Variants in RFX1 observed in about 807,000 individuals in gnomAD.
RFX1 encodes regulatory factor X1, also known as MHC class II regulatory factor RFX1.
In RFX1, 42 loss-of-function variants were observed where a neutral mutation model predicts 119.6. That is an observed-to-expected ratio of 0.35 (90% CI 0.27 to 0.45). RFX1 has a LOEUF of 0.45. Among genes scored for constraint, RFX1 ranks in the 20% least tolerant of loss-of-function variants. The pLI is 1.00. For synonymous variants in RFX1, 628 were observed against 618.5 expected (o/e 1.02, Z -0.23); for missense variants, 1,118 against 1,368.1 (o/e 0.82, Z 2.88).
rs1364988133 is a variant in RFX1, at chr19:13,965,063, T to C, written c.2211+386A>G. Reference sequence around the variant, plus strand: ...TAGTCAGCGAATGTGCATCTTTTGATGAAAAAGGCAAGTATTATGTTTCCT... The same window carrying C: ...TAGTCAGCGAATGTGCATCTTTTGACGAAAAAGGCAAGTATTATGTTTCCT... On this transcript the variant is annotated intron_variant, in intron 16 of 20. Transcript: ENST00000254325. The surrounding 1 kb of genome is among the most constrained non-coding windows in gnomAD (Gnocchi z 4.7). 6.6e-6 allele frequency among the ~76,000 whole-genome samples: 1 copy of C among 152,206 alleles called. No homozygotes were observed. The highest frequency in any genetic ancestry group is 1.5e-5 in the Non-Finnish European group (1 of 68,036).
At chr19:14,000,109 G>A (rs1298042923) in intron 1 of RFX1, among the ~76,000 whole-genome samples, 6 of 152,168 alleles carry the variant, frequency 3.9e-5, no homozygotes, top group African/African-American at 1.4e-4. Flanking sequence ...GCAGAAGAAT[G>A]GCAAAATTAA....
chr19:13,973,203 G>T, intron 8 of RFX1, 76 bp from the exon 9 acceptor site: 1 of 997,944 alleles, frequency 1.0e-6, no homozygotes, highest in African/African-American at 1.6e-5. Context: ...TGTGCAGGAA[G>T]GGGGGTCCTA....
Position 13,966,751 on chromosome 19 carries a change from T to C in RFX1, c.1733A>G (p.Asp578Gly). 6.2e-7 allele frequency: 1 copy of C among 1,601,224 alleles called. No individual in the cohort carries two copies. Among genetic ancestry groups the C allele is most frequent in the Non-Finnish European group, 8.5e-7 (1 of 1,173,292 alleles). Reference protein sequence around the residue: ...AQVQQYQQFLDASRSLPDFTE... With the variant: ...AQVQQYQQFLGASRSLPDFTE... Reference sequence around the variant, plus strand: ...GAAGTCAGGGAGGCTCCGAGAGGCATCTAGGGGGCCGGGGGGAACCGTGAG... The same window carrying C: ...GAAGTCAGGGAGGCTCCGAGAGGCACCTAGGGGGCCGGGGGGAACCGTGAG... The change falls in exon 13 of 21, where the codon GAT becomes GGT. Residue 578 changes from aspartate to glycine, a missense_variant and splice_region_variant. Asp to Gly is a moderately conservative substitution (Grantham distance 94). This residue lies in a region of RFX1 where 338 missense variants were observed against 508.9 expected (regional missense o/e 0.66). Transcript: ENST00000254325. This position sits in a 1 kb window ranked among gnomAD's most constrained non-coding sequence, Gnocchi z 6.3.
intron 2 of RFX1, among the ~76,000 whole-genome samples, chr19:13,993,067 G>A (rs1443900247): frequency 6.6e-6 from 1 of 152,156 alleles, no homozygotes; most frequent in African/African-American, 2.4e-5. Context: ...TTGAGGCCGG[G>A]AGGATCATTT....
At chr19:13,994,719 A>ATGTGTG (rs35165719) in intron 1 of RFX1, among the ~76,000 whole-genome samples, 2,319 of 125,964 alleles carry the variant, frequency 0.018, 26 homozygotes, top group East Asian at 0.038. Flanking sequence ...CTAAATATAT[A>ATGTGTG]TGTGTGTGTG....
In RFX1 at chr19:13,985,868, TG is replaced by T. The variant is rs1289828082; in HGVS notation, c.320-2274del. On this transcript the variant is annotated intron_variant, in intron 2 of 20. Coordinates refer to ENST00000254325, the MANE Select transcript of RFX1 (RefSeq NM_002918.5). This position sits in a 1 kb window ranked among gnomAD's most constrained non-coding sequence, Gnocchi z 4.3. ...GTCAAGGGCAGAGCGCAGGAGTGTG[TG>T]TTGGGGGCGGGGGTTGCCAGATGTG... Among the ~76,000 whole-genome samples, 1 of 151,548 alleles carries T rather than the reference TG, an allele frequency of 6.6e-6. No individual in the cohort carries two copies. Among genetic ancestry groups the T allele is most frequent in the Non-Finnish European group, 1.5e-5 (1 of 67,832 alleles).
intron 3 of RFX1, 62 bp from the exon 4 acceptor site, chr19:13,983,332 G>T: frequency 7.1e-7 from 1 of 1,409,784 alleles, no homozygotes. Flanking sequence ...TGGCGTGGTT[G>T]GGTGGCGGGC....
chr19:13,982,655 T>C (rs1974464573), intron 4 of RFX1, among the ~76,000 whole-genome samples: 1 of 152,062 alleles, frequency 6.6e-6, no homozygotes, highest in African/African-American at 2.4e-5. Flanking sequence ...AATACAAAAA[T>C]TAGCCAGGTG....
In RFX1 at chr19:13,982,195, C is replaced by G. The variant is rs61735284; in HGVS notation, c.547G>C (p.Ala183Pro). Residue 183 changes from alanine (A) to proline (P), a missense_variant, in exon 5 of 21, where the codon GCA (alanine) becomes CCA (proline). This residue lies in a region of RFX1 where 542 missense variants were observed against 602.7 expected (regional missense o/e 0.90). Transcript: ENST00000254325. ...LPTQRLVVQS[A>P]APGSKGGQVS... is the part of the protein sequence containing the mutation. ...TGGCCACCTTTGCTGCCTGGGGCTG[C>G]GCTCTGCACCACCAGACGCTGCGTG... The G allele has an allele frequency of 3.1e-6, 4 of 1,311,342 alleles. No homozygotes were observed. The highest frequency in any genetic ancestry group is 6.3e-5 in the South Asian group (2 of 31,556). 81.2% of individuals were successfully genotyped at this position (1,311,342 alleles called of 1,614,324 possible). A position where few individuals can be genotyped will look rare whatever the true frequency, so the allele number is the denominator to read the frequency against.
intron 1 of RFX1, among the ~76,000 whole-genome samples, chr19:13,995,892 G>A (rs1974998259): frequency 6.6e-6 from 1 of 151,514 alleles, no homozygotes; most frequent in Admixed American, 6.6e-5. Flanking sequence ...AACGGGAGTG[G>A]TGGCGCGCAC....
In RFX1 at chr19:13,963,530, G is replaced by A. The variant is rs749966537; in HGVS notation, c.2570+8C>T. On this transcript the variant is annotated splice_region_variant and intron_variant, in intron 18 of 20. Transcript: ENST00000254325. ...TGCCGCCCGGACCCGATCCCGCCGCGCGCGCACCTGTAGAAGGACCACTTG... is the reference window on the plus strand; with the variant it reads ...TGCCGCCCGGACCCGATCCCGCCGCACGCGCACCTGTAGAAGGACCACTTG... 1 of 1,600,842 alleles carries A rather than the reference G, an allele frequency of 6.2e-7. No homozygotes were observed. Among genetic ancestry groups the A allele is most frequent in the Non-Finnish European group, 8.5e-7 (1 of 1,177,978 alleles).
chr19:14,004,531 G>A (rs1197285049), intron 1 of RFX1, among the ~76,000 whole-genome samples: 2 of 152,046 alleles, frequency 1.3e-5, no homozygotes, highest in East Asian at 3.9e-4. Flanking sequence ...CTGATGATCC[G>A]TCTAGCAACT....
Position 13,966,835 on chromosome 19 carries a change from C to G in RFX1, c.1733-84G>C. On this transcript the variant is annotated intron_variant, in intron 12 of 20. Transcript: ENST00000254325. This position sits in a 1 kb window ranked among gnomAD's most constrained non-coding sequence, Gnocchi z 6.3. ...TCCTACTGACCTGTCCGTTTCCCAT[C>G]AGACTGGGGTCCCCCATGTGCCGGT... 1.1e-6 allele frequency: 1 copy of G among 909,886 alleles called. No homozygotes were observed. Among genetic ancestry groups the G allele is most frequent in the Non-Finnish European group, 1.7e-6 (1 of 598,120 alleles). The allele number at this position is 909,886 out of a possible 1,614,324, so 56.4% of individuals were successfully genotyped here. A position where few individuals can be genotyped will look rare whatever the true frequency, so the allele number is the denominator to read the frequency against.
rs1568454994 is a variant in RFX1 at position 13,962,848 on chromosome 19, C to G, written c.2787G>C (p.Glu929Asp). The part of the protein sequence containing the change: ...LDPDKDEEEE[E>D]EEESEDELPQ... ...GCAGCTCGTCCTCGCTCTCCTCCTC[C>G]TCTTCTTCCTCCTCGTCTGGAACAC... Residue 929 changes from glutamate to aspartate, a missense_variant, in exon 21 of 21, where the codon GAG (glutamate) becomes GAC (aspartate). By Grantham distance (45) the Glu-to-Asp change is conservative (BLOSUM62 2). Around this residue, in one of 5 missense-constraint regions of RFX1, gnomAD observed 138 missense variants for 117.8 expected, o/e 1.17. Coordinates refer to ENST00000254325, the MANE Select transcript of RFX1 (RefSeq NM_002918.5). 2 of 1,527,566 alleles carry G rather than the reference C, an allele frequency of 1.3e-6. No individual in the cohort carries two copies. Among genetic ancestry groups the G allele is most frequent in the Non-Finnish European group, 1.8e-6 (2 of 1,139,350 alleles). The allele number at this position is 1,527,566 out of a possible 1,614,324, so 94.6% of individuals were successfully genotyped here. A position where few individuals can be genotyped will look rare whatever the true frequency, so the allele number is the denominator to read the frequency against.
intron 1 of RFX1, among the ~76,000 whole-genome samples, chr19:14,004,831 G>A (rs1361005325): frequency 6.6e-6 from 1 of 152,024 alleles, no homozygotes; most frequent in African/African-American, 2.4e-5. Context: ...TGGCCTGGCT[G>A]GCTACTTAAA....
chr19:13,981,812 G>A (rs1013212747), intron 5 of RFX1, among the ~76,000 whole-genome samples: 1 of 152,222 alleles, frequency 6.6e-6, no homozygotes, highest in Non-Finnish European at 1.5e-5. Flanking sequence ...AACCCACTTT[G>A]TTTCTCGGAA....
intron 8 of RFX1, among the ~76,000 whole-genome samples, chr19:13,975,549 G>A (rs993848800): frequency 2.6e-5 from 4 of 152,038 alleles, no homozygotes; most frequent in African/African-American, 9.7e-5. Context: ...CACACATCAG[G>A]TCCAGCTCTC....
chr19:13,966,387 C>A lies in RFX1; in HGVS notation c.1961+34G>T, dbSNP rs373685329. The A allele has an allele frequency of 1.3e-5, 19 of 1,415,656 alleles. No homozygotes were observed. Among genetic ancestry groups the A allele is most frequent in the Admixed American group, 1.7e-5 (1 of 59,518 alleles). The allele number at this position is 1,415,656 out of a possible 1,614,324, so 87.7% of individuals were successfully genotyped here. ...ACCTGCGGGTCATGCCCTCCTCCCC[C>A]CTCTCCCTCCCACAGTCGCCGGGCA... On this transcript the variant is annotated intron_variant, in intron 14 of 20. Coordinates refer to ENST00000254325, the MANE Select transcript of RFX1 (RefSeq NM_002918.5). This position sits in a 1 kb window ranked among gnomAD's most constrained non-coding sequence, Gnocchi z 6.3.
Position 13,972,783 on chromosome 19 carries a change from C to T in RFX1, c.1274G>A (p.Ser425Asn). 6.2e-7 allele frequency: 1 copy of T among 1,607,784 alleles called. No homozygotes were observed. The highest frequency in any genetic ancestry group is 8.5e-7 in the Non-Finnish European group (1 of 1,177,376). ...ACGGGTGGTGTGAGAGTAAGACTGG[C>T]TGGCACTGCCCAGCATGTAGCCGCC... Reference protein sequence around the residue: ...IQGGYMLGSASQSYSHTTRAS... With the variant: ...IQGGYMLGSANQSYSHTTRAS... Residue 425 changes from serine (S) to asparagine (N), a missense_variant, in exon 9 of 21, where the codon AGC (serine) becomes AAC (asparagine). Physicochemically the swap from Ser to Asn is conservative, Grantham distance 46. This residue lies in a region of RFX1 where 542 missense variants were observed against 602.7 expected (regional missense o/e 0.90). Coordinates refer to ENST00000254325, the MANE Select transcript of RFX1 (RefSeq NM_002918.5).
Sources: allele counts gnomAD v4.1 joint callset (sites outside exome capture counted in the v4.1 genomes callset), GRCh38; gene constraint gnomAD v4.1.1; regional missense constraint gnomAD v4.1.1; non-coding constraint Gnocchi (gnomAD v3.1); transcripts MANE v1.5; gene names NCBI Gene and HGNC (gene_info 2026-07-23, HGNC 2026-07-21).